DPP10: variants seen among roughly 807,000 people sequenced by gnomAD.
DPP10 encodes the protein inactive dipeptidyl peptidase 10.
A neutral mutation model predicts 120.9 loss-of-function variants in DPP10; 33 were observed. The ratio of observed to expected loss-of-function variants is 0.27; its 90% CI spans 0.21 to 0.37. The LOEUF is 0.37. Ranked by LOEUF, DPP10 falls within the 10% of genes least tolerant of loss-of-function variation. DPP10 has a pLI of 1.00. For missense variants in DPP10, 816 were observed against 942.8 expected (o/e 0.87, Z 1.76); for synonymous variants, 337 against 326.1 (o/e 1.03, Z -0.36).
At chr2:115,769,993 T>C (rs1401605892) in intron 13 of DPP10, among the ~76,000 whole-genome samples, 2 of 152,062 alleles carry the variant, frequency 1.3e-5, no homozygotes, top group East Asian at 3.9e-4. Context: ...CTACAAATTA[T>C]AGATATTTGT....
intron 1 of DPP10, among the ~76,000 whole-genome samples, chr2:114,634,834 C>A (rs1573847037): frequency 6.6e-6 from 1 of 151,780 alleles, no homozygotes; most frequent in African/African-American, 2.4e-5. Context: ...TTTTATTGTT[C>A]AGTTGTCACT....
At chr2:115,243,176 T>A (rs951276207) in intron 1 of DPP10, among the ~76,000 whole-genome samples, 1 of 152,194 alleles carries the variant, frequency 6.6e-6, no homozygotes, top group Non-Finnish European at 1.5e-5. Context: ...CCTCCAATAG[T>A]ATTTCCTTGA....
intron 4 of DPP10, among the ~76,000 whole-genome samples, chr2:115,521,650 C>G (rs1020502155): frequency 1.3e-4 from 19 of 148,352 alleles, no homozygotes; most frequent in African/African-American, 4.7e-4. Flanking sequence ...CTGTACATGT[C>G]CCTTTCACTC....
chr2:114,982,283 T>G (rs1396402134), intron 1 of DPP10, among the ~76,000 whole-genome samples: 1 of 152,248 alleles, frequency 6.6e-6, no homozygotes, highest in Non-Finnish European at 1.5e-5. Flanking sequence ...TTAATTCCTA[T>G]CATTATGGAC....
intron 1 of DPP10, among the ~76,000 whole-genome samples, chr2:115,016,706 A>G (rs1352128582): frequency 6.6e-6 from 1 of 152,132 alleles, no homozygotes; most frequent in Non-Finnish European, 1.5e-5. Flanking sequence ...ATGAACAGAC[A>G]TTTCTCAAAA....
At chr2:114,667,937 A>T (rs1435358185) in intron 1 of DPP10, among the ~76,000 whole-genome samples, 1 of 152,226 alleles carries the variant, frequency 6.6e-6, no homozygotes, top group Non-Finnish European at 1.5e-5. Context: ...AATATTCAAT[A>T]AGTATAGACT....
chr2:115,421,731 A>C (rs2104686525), intron 3 of DPP10, among the ~76,000 whole-genome samples: 1 of 151,822 alleles, frequency 6.6e-6, no homozygotes, highest in Admixed American at 6.6e-5. Context: ...ATTAACTGGC[A>C]GTGGTGGCAT....
intron 1 of DPP10, among the ~76,000 whole-genome samples, chr2:114,536,437 G>T (rs111996380): frequency 8.3e-6 from 1 of 120,316 alleles, no homozygotes; most frequent in Non-Finnish European, 1.6e-5. Context: ...ACGTAGTCTC[G>T]CTCTGTCACC....
At chr2:114,626,966 C>A (rs1002668345) in intron 1 of DPP10, among the ~76,000 whole-genome samples, 1 of 151,914 alleles carries the variant, frequency 6.6e-6, no homozygotes, top group East Asian at 1.9e-4. Context: ...GGTGAATGGA[C>A]CTTAATTTAA....
chr2:115,016,359 A>G (rs530358787), intron 1 of DPP10, among the ~76,000 whole-genome samples: 1 of 152,314 alleles, frequency 6.6e-6, no homozygotes, highest in Non-Finnish European at 1.5e-5. Context: ...TTAACTCAAG[A>G]TGGAATAAAG....
At chr2:115,331,118 G>C (rs2062702210) in intron 2 of DPP10, among the ~76,000 whole-genome samples, 1 of 152,132 alleles carries the variant, frequency 6.6e-6, no homozygotes, top group Non-Finnish European at 1.5e-5. Flanking sequence ...GTGGTTTGTA[G>C]TTCTCCTTGA....
At chr2:115,383,201 G>T (rs2066554963) in intron 3 of DPP10, among the ~76,000 whole-genome samples, 1 of 152,182 alleles carries the variant, frequency 6.6e-6, no homozygotes, top group African/African-American at 2.4e-5. Context: ...GAATCCCCGT[G>T]TGTTGTGGGA....
At chr2:115,228,112 TA>T (rs1398221551) in intron 1 of DPP10, among the ~76,000 whole-genome samples, 1 of 151,934 alleles carries the variant, frequency 6.6e-6, no homozygotes, top group African/African-American at 2.4e-5. Context: ...TTTATACATA[TA>T]TTTTTTGTTG....
intron 1 of DPP10, among the ~76,000 whole-genome samples, chr2:114,535,078 A>G (rs1359170748): frequency 1.0e-5 from 1 of 98,712 alleles, no homozygotes. Flanking sequence ...CCCATTTGCA[A>G]GAGTTTGTTT....
intron 3 of DPP10, among the ~76,000 whole-genome samples, chr2:115,361,326 G>A (rs996062456): frequency 6.6e-6 from 1 of 151,976 alleles, no homozygotes; most frequent in Non-Finnish European, 1.5e-5. Flanking sequence ...TGCCCATCTG[G>A]GTCAGATACT....
chr2:115,380,157 A>C (rs530963725), intron 3 of DPP10, among the ~76,000 whole-genome samples: 33 of 152,176 alleles, frequency 2.2e-4, no homozygotes, highest in African/African-American at 6.5e-4. Context: ...TGGGGTGTTA[A>C]AGTCTCTCAT....
At chr2:115,801,198 T>A (rs1340441142) in intron 19 of DPP10, among the ~76,000 whole-genome samples, 1 of 151,904 alleles carries the variant, frequency 6.6e-6, no homozygotes, top group Non-Finnish European at 1.5e-5. Flanking sequence ...TTTGAAACAA[T>A]TGTGAATGGG....
At chr2:115,526,255 T>G in intron 5 of DPP10, 1 of 304,444 alleles carries the variant, frequency 3.3e-6, no homozygotes, top group South Asian at 6.1e-5. Context: ...ATCCAACAAA[T>G]GCGGGCTTGT....
intron 5 of DPP10, chr2:115,580,259 A>G (rs1418035721): frequency 2.0e-5 from 3 of 152,238 alleles, no homozygotes; most frequent in African/African-American, 7.2e-5. Context: ...AAAATAATAA[A>G]TGAAAAAGTT....
Sources: gnomAD v4.1 joint callset for allele counts (sites outside exome capture counted in the v4.1 genomes callset) on GRCh38, gnomAD v4.1.1 for gene constraint, MANE v1.5 for transcripts, NCBI Gene and HGNC (gene_info 2026-07-23, HGNC 2026-07-21) for gene names.